Variants in WIPI1 observed in about 807,000 individuals in gnomAD.
WIPI1 encodes the protein WD repeat domain, phosphoinositide interacting 1.
A neutral mutation model predicts 55.3 loss-of-function variants in WIPI1; 45 were observed. The observed-to-expected ratio is 0.81, with a 90% CI of 0.64 to 1.04. WIPI1 has a LOEUF of 1.04. Ranked by LOEUF, WIPI1 falls within the 50% of genes least tolerant of loss-of-function variation. The probability of loss-of-function intolerance (pLI) is 0.00; values close to 1 mark genes in which losing one functional copy is unlikely to be tolerated. For synonymous variants in WIPI1, 195 were observed against 217.6 expected (o/e 0.90, Z 0.92); for missense variants, 445 against 559.0 (o/e 0.80, Z 2.06).
intron 4 of WIPI1, among the ~76,000 whole-genome samples, chr17:68,440,175 C>G (rs2084015532): frequency 6.6e-6 from 1 of 152,184 alleles, no homozygotes; most frequent in Non-Finnish European, 1.5e-5. Context: ...TCTACCAATC[C>G]ATCTGAATTT....
intron 8 of WIPI1, among the ~76,000 whole-genome samples, chr17:68,433,146 T>C (rs2083601954): frequency 6.6e-6 from 1 of 152,292 alleles, no homozygotes; most frequent in Non-Finnish European, 1.5e-5. Context: ...ACTTTAGATC[T>C]GCAGACTCAT....
rs1482079315 is a variant in WIPI1 at position 68,423,339 on chromosome 17, T to C, written c.1294-1519A>G. On this transcript the variant is annotated intron_variant, in intron 12 of 12. Coordinates refer to ENST00000262139, the MANE Select transcript of WIPI1 (RefSeq NM_017983.7). This position sits in a 1 kb window ranked among gnomAD's most constrained non-coding sequence, Gnocchi z 4.4. ...AGAGCATCCCAGGAGCATGCATGCC[T>C]CTGGTCCTTACATGGTGAGATGGAG... is the stretch of plus-strand genomic sequence containing the variant. Among the ~76,000 whole-genome samples the C allele has an allele frequency of 6.6e-6, 1 of 152,184 alleles. No individual in the cohort carries two copies. Among genetic ancestry groups the C allele is most frequent in the Non-Finnish European group, 1.5e-5 (1 of 68,036 alleles).
intron 10 of WIPI1, chr17:68,428,600 A>G: frequency 2.1e-6 from 1 of 470,602 alleles, no homozygotes; most frequent in East Asian, 4.0e-5. Context: ...TGAGGGGGAG[A>G]CCATCTTGTG....
At chr17:68,429,675 G>A (rs964428305) in intron 9 of WIPI1, among the ~76,000 whole-genome samples, 5 of 151,970 alleles carry the variant, frequency 3.3e-5, no homozygotes, top group Admixed American at 6.6e-5. Flanking sequence ...TGCAACCTCC[G>A]CCTCCTGGGT....
rs1285399036 is a variant in WIPI1 at position 68,457,454 on chromosome 17, G to A, written c.-33C>T. On this transcript the variant is annotated 5_prime_UTR_variant, in exon 1 of 13. Transcript: ENST00000262139. The stretch of plus-strand genomic sequence containing the variant: ...TCGGCCCGGGAAGCCGCAGCTCGGA[G>A]CCGGCGACAGCCACCTCAGCAGCCC... 17 of 1,464,474 alleles carry A rather than the reference G, an allele frequency of 1.2e-5. No individual in the cohort carries two copies. The highest frequency in any genetic ancestry group is 1.5e-5 in the Non-Finnish European group (17 of 1,107,592). The allele number at this position is 1,464,474 out of a possible 1,614,324, so 90.7% of individuals were successfully genotyped here.
At position 68,427,194 on chromosome 17, in the gene WIPI1, G is replaced by A. The variant is rs1305798948; in HGVS notation, c.1133C>T (p.Pro378Leu). The A allele has an allele frequency of 6.2e-7, 1 of 1,614,068 alleles. No homozygotes were observed. Among genetic ancestry groups the A allele is most frequent in the Non-Finnish European group, 8.5e-7 (1 of 1,180,058 alleles). The change falls in exon 11 of 13, where the codon CCT becomes CTT. Residue 378 changes from proline to leucine, a missense_variant. Transcript: ENST00000262139. ...NKENDLRPSL[P>L]QSYAATVARP... Reference sequence around the variant, plus strand: ...GGCTACGGTCGCTGCATAAGACTGAGGTAAGGAAGGTCTGAGGTCATTTTC... The same window carrying A: ...GGCTACGGTCGCTGCATAAGACTGAAGTAAGGAAGGTCTGAGGTCATTTTC...
chr17:68,448,158 A>C (rs1248838598), intron 3 of WIPI1: 12 of 152,198 alleles, frequency 7.9e-5, no homozygotes, highest in Non-Finnish European at 1.3e-4. Flanking sequence ...TTGGGCCTTT[A>C]TCATTTCCCC....
intron 1 of WIPI1, among the ~76,000 whole-genome samples, chr17:68,455,450 T>C (rs949269993): frequency 2.0e-5 from 3 of 151,936 alleles, no homozygotes; most frequent in Non-Finnish European, 4.4e-5. Context: ...GGGTTTGCTG[T>C]TTTCACCTAC....
intron 9 of WIPI1, 43 bp downstream of exon 9, chr17:68,429,953 A>G: frequency 6.2e-7 from 1 of 1,609,910 alleles, no homozygotes; most frequent in Non-Finnish European, 8.5e-7. Flanking sequence ...AAATACATTG[A>G]CGAAAGTGTG....
intron 8 of WIPI1, among the ~76,000 whole-genome samples, chr17:68,433,225 G>A (rs561920935): frequency 2.6e-5 from 4 of 152,246 alleles, no homozygotes; most frequent in East Asian, 1.9e-4. Context: ...TTATCTTCCC[G>A]GGATCTCTGG....
At position 68,436,516 on chromosome 17, in the gene WIPI1, C is replaced by T. The variant is rs778361700; in HGVS notation, c.431-37G>A. ...GAAACAGAACATGAGAAGCCTGGGG[C>T]CAAGGGAGAGATTGCACGGCTGGAG... On this transcript the variant is annotated intron_variant, in intron 4 of 12. Transcript: ENST00000262139. The T allele has an allele frequency of 4.4e-6, 7 of 1,594,916 alleles. No homozygotes were observed. In the East Asian group the frequency reaches 1.1e-4, roughly 25 times the overall value.
chr17:68,426,154 G>T lies in WIPI1; in HGVS notation c.1214C>A (p.Ala405Glu). 1 of 1,591,984 alleles carries T rather than the reference G, an allele frequency of 6.3e-7. No homozygotes were observed. The highest frequency in any genetic ancestry group is 8.6e-7 in the Non-Finnish European group (1 of 1,168,504). ...TTCAGGAATAACTTCTCCTCGCAGC[G>T]CCCCGCCGTCCTCAGAATAACCTGG... is the stretch of plus-strand genomic sequence containing the variant. Reference protein sequence around the residue: ...TVPGYSEDGGALRGEVIPEHE... With the variant: ...TVPGYSEDGGELRGEVIPEHE... The change falls in exon 12 of 13, where the codon GCG becomes GAG. Residue 405 changes from alanine (A) to glutamate (E), a missense_variant. Physicochemically the swap from Ala to Glu is moderately radical, Grantham distance 107. Coordinates refer to ENST00000262139, the MANE Select transcript of WIPI1 (RefSeq NM_017983.7).
intron 3 of WIPI1, among the ~76,000 whole-genome samples, chr17:68,449,888 G>C (rs922436827): frequency 2.6e-5 from 4 of 152,214 alleles, no homozygotes; most frequent in Admixed American, 6.5e-5. Context: ...GTGCCCACCT[G>C]TAGTCCCAGC....
chr17:68,452,850 GCCTAGAAGGAGGCTCTGGTTCT>G, intron 2 of WIPI1, 38 bp downstream of exon 2: 1 of 1,504,232 alleles, frequency 6.6e-7, no homozygotes, highest in Non-Finnish European at 9.2e-7. Context: ...GCAGATTAAA[GCCTAGAAGGAGGCTCTGGTTCT>G]CCTGCAGATC....
At chr17:68,422,984 G>A (rs972969415) in intron 12 of WIPI1, among the ~76,000 whole-genome samples, 1 of 152,126 alleles carries the variant, frequency 6.6e-6, no homozygotes, top group African/African-American at 2.4e-5. Flanking sequence ...GTGATCCTAC[G>A]CAGGGAAGTG....
At position 68,457,375 on chromosome 17, in the gene WIPI1, G is replaced by T; in HGVS notation, c.47C>A (p.Ala16Glu). The T allele has an allele frequency of 6.5e-7, 1 of 1,541,972 alleles. No homozygotes were observed. The highest frequency in any genetic ancestry group is 1.2e-5 in the South Asian group (1 of 83,416). Residue 16 changes from alanine to glutamate, a missense_variant, in exon 1 of 13, where the codon GCG (alanine) becomes GAG (glutamate). By Grantham distance (107) the Ala-to-Glu change is moderately radical. Coordinates refer to ENST00000262139, the MANE Select transcript of WIPI1 (RefSeq NM_017983.7). Reference sequence around the variant, plus strand: ...CTGGTTGAAAGAGAAGCAGCTGAGCGCCGACTCAACCCCGCCCGGGGGAGC... The same window carrying T: ...CTGGTTGAAAGAGAAGCAGCTGAGCTCCGACTCAACCCCGCCCGGGGGAGC... ...ADAPPGGVESALSCFSFNQDC... is the reference protein window; with the variant it reads ...ADAPPGGVESELSCFSFNQDC...
chr17:68,440,407 C>A (rs1446450190), intron 4 of WIPI1, among the ~76,000 whole-genome samples: 1 of 152,088 alleles, frequency 6.6e-6, no homozygotes, highest in Non-Finnish European at 1.5e-5. Flanking sequence ...TTACACAAAG[C>A]CTTTTTAAGG....
In WIPI1 at chr17:68,457,433, CCCGGGAAGCCG is replaced by C. The variant is rs1568656768; in HGVS notation, c.-23_-13del. On this transcript the variant is annotated 5_prime_UTR_variant, in exon 1 of 13. Coordinates refer to ENST00000262139, the MANE Select transcript of WIPI1 (RefSeq NM_017983.7). Reference sequence around the variant, plus strand: ...GCCTCGGCCTCCATCGGGGGCTCGGCCCGGGAAGCCGCAGCTCGGAGCCGGCGACAGCCACC... The same window carrying C: ...GCCTCGGCCTCCATCGGGGGCTCGGCCAGCTCGGAGCCGGCGACAGCCACC... 4 of 416,858 alleles carry C rather than the reference CCCGGGAAGCCG, an allele frequency of 9.6e-6. No homozygotes were observed. In the South Asian group the frequency reaches 2.0e-4, roughly 21 times the overall value. 25.8% of individuals were successfully genotyped at this position (416,858 alleles called of 1,614,324 possible).
intron 12 of WIPI1, among the ~76,000 whole-genome samples, chr17:68,422,925 CTT>C (rs1004029993): frequency 2.0e-5 from 3 of 152,074 alleles, no homozygotes; most frequent in African/African-American, 7.2e-5. Context: ...GATCAAGTCT[CTT>C]TTCTTTCACT....
Sources: allele counts gnomAD v4.1 joint callset (sites outside exome capture counted in the v4.1 genomes callset), GRCh38; gene constraint gnomAD v4.1.1; non-coding constraint Gnocchi (gnomAD v3.1); transcripts MANE v1.5; gene names NCBI Gene and HGNC (gene_info 2026-07-23, HGNC 2026-07-21).